Variants in NLGN1 observed in about 807,000 individuals in gnomAD.
NLGN1 encodes neuroligin 1, also known as neuroligin-1.
A neutral mutation model predicts 65.5 loss-of-function variants in NLGN1; 12 were observed. That is an observed-to-expected ratio of 0.18 (90% confidence interval 0.12 to 0.30). The LOEUF is 0.30. NLGN1 is among the 10% of genes least tolerant of loss of function. The probability of loss-of-function intolerance (pLI) is 1.00; values close to 1 mark genes in which losing one functional copy is unlikely to be tolerated. For synonymous variants in NLGN1, 350 were observed against 359.5 expected (o/e 0.97, Z 0.30); for missense variants, 750 against 1,007.1 (o/e 0.74, Z 3.46).
chr3:174,267,799 A>C (rs1009476021), intron 4 of NLGN1, among the ~76,000 whole-genome samples: 2 of 152,160 alleles, frequency 1.3e-5, no homozygotes, highest in Non-Finnish European at 2.9e-5. Flanking sequence ...GTTAATAGAA[A>C]ATTATAACAT....
At chr3:174,071,309 A>C (rs568952626) in intron 4 of NLGN1, among the ~76,000 whole-genome samples, 1 of 152,284 alleles carries the variant, frequency 6.6e-6, no homozygotes, top group East Asian at 1.9e-4. Context: ...GGAAAATAGA[A>C]TCAATTAGGA....
intron 4 of NLGN1, among the ~76,000 whole-genome samples, chr3:174,257,295 T>A (rs1745976421): frequency 6.6e-6 from 1 of 152,176 alleles, no homozygotes; most frequent in African/African-American, 2.4e-5. Flanking sequence ...AGAATGCTTT[T>A]ACACTGTCGA....
At chr3:174,069,603 CA>C (rs1225558715) in intron 4 of NLGN1, among the ~76,000 whole-genome samples, 1 of 151,806 alleles carries the variant, frequency 6.6e-6, no homozygotes, top group African/African-American at 2.4e-5. Context: ...GGAAAAACAG[CA>C]CACTTGGTTG....
chr3:174,148,134 C>G (rs926651716), intron 4 of NLGN1, among the ~76,000 whole-genome samples: 1 of 152,164 alleles, frequency 6.6e-6, no homozygotes, highest in Non-Finnish European at 1.5e-5. Context: ...ATGAGCTGTT[C>G]TCCAATTTGA....
chr3:173,481,447 A>G (rs1337319137), intron 2 of NLGN1, among the ~76,000 whole-genome samples: 3 of 151,972 alleles, frequency 2.0e-5, no homozygotes, highest in African/African-American at 7.2e-5. Flanking sequence ...ATTTTACAAA[A>G]TTTGGATCAA....
intron 4 of NLGN1, among the ~76,000 whole-genome samples, chr3:174,033,439 A>G (rs1028575681): frequency 1.3e-5 from 2 of 152,178 alleles, no homozygotes; most frequent in African/African-American, 2.4e-5. Flanking sequence ...TGCCTAAACC[A>G]AGAGAAAAGA....
chr3:173,903,012 A>G (rs772744692), intron 4 of NLGN1, among the ~76,000 whole-genome samples: 3 of 152,146 alleles, frequency 2.0e-5, no homozygotes, highest in Non-Finnish European at 4.4e-5. Context: ...TTACCACCCA[A>G]CTTAGCTTTG....
chr3:173,636,947 T>C (rs1756686450), intron 3 of NLGN1, among the ~76,000 whole-genome samples: 1 of 152,148 alleles, frequency 6.6e-6, no homozygotes, highest in Non-Finnish European at 1.5e-5. Context: ...ATGCTTAAGC[T>C]AGTGTGAAAA....
At chr3:174,035,115 A>T (rs927548088) in intron 4 of NLGN1, among the ~76,000 whole-genome samples, 7 of 152,186 alleles carry the variant, frequency 4.6e-5, no homozygotes, top group African/African-American at 1.2e-4. Context: ...ACAAATTTTT[A>T]AAATTTACAT....
At chr3:174,252,773 G>T (rs1157354077) in intron 4 of NLGN1, among the ~76,000 whole-genome samples, 1 of 152,154 alleles carries the variant, frequency 6.6e-6, no homozygotes, top group African/African-American at 2.4e-5. Context: ...CCACCCCAGA[G>T]ATTCTAAGCC....
chr3:173,592,745 T>G (rs1748745818), intron 2 of NLGN1, among the ~76,000 whole-genome samples: 1 of 152,220 alleles, frequency 6.6e-6, no homozygotes, highest in South Asian at 2.1e-4. Flanking sequence ...TGGGGATGGT[T>G]GTTAAAAACC....
chr3:173,432,559 T>C (rs1012941322), intron 1 of NLGN1, among the ~76,000 whole-genome samples: 1 of 152,224 alleles, frequency 6.6e-6, no homozygotes, highest in African/African-American at 2.4e-5. Flanking sequence ...CTTTGGCCAA[T>C]TTTTTAATCA....
chr3:173,677,412 G>A (rs1763314959), intron 3 of NLGN1, among the ~76,000 whole-genome samples: 1 of 151,838 alleles, frequency 6.6e-6, no homozygotes, highest in African/African-American at 2.4e-5. Flanking sequence ...TCCTTTGTCT[G>A]CTTCCATTGC....
At chr3:174,132,798 A>G (rs1224027871) in intron 4 of NLGN1, among the ~76,000 whole-genome samples, 2 of 152,202 alleles carry the variant, frequency 1.3e-5, no homozygotes. Flanking sequence ...GTGCTCTCCA[A>G]GGGAGTGAAA....
At chr3:173,751,544 T>A (rs1363280658) in intron 3 of NLGN1, among the ~76,000 whole-genome samples, 1 of 151,958 alleles carries the variant, frequency 6.6e-6, no homozygotes, top group Non-Finnish European at 1.5e-5. Flanking sequence ...AAACAGGCCT[T>A]AAGTAAGTTA....
intron 2 of NLGN1, among the ~76,000 whole-genome samples, chr3:173,520,365 G>T (rs2149132819): frequency 6.6e-6 from 1 of 152,258 alleles, no homozygotes; most frequent in South Asian, 2.1e-4. Flanking sequence ...AGATGAGAAT[G>T]AACAAATATA....
intron 3 of NLGN1, among the ~76,000 whole-genome samples, chr3:173,661,984 A>G (rs1760989475): frequency 6.6e-6 from 1 of 151,988 alleles, no homozygotes; most frequent in African/African-American, 2.4e-5. Flanking sequence ...TGCTGAAGGC[A>G]TTGGTCTGTT....
In NLGN1 at chr3:173,736,562, A is replaced by G. The variant is rs978290065; in HGVS notation, c.494-71118A>G. 2.6e-5 allele frequency among the ~76,000 whole-genome samples: 4 copies of G among 152,100 alleles called. No homozygotes were observed. In the East Asian group the frequency reaches 7.7e-4, roughly 29 times the overall value. The stretch of plus-strand genomic sequence containing the variant: ...ACTTGTTTTTTATTTCTGAACAAAA[A>G]TTGTTCCTTTGTGACTTCTGATGAA... On this transcript the variant is annotated intron_variant, in intron 3 of 6. Coordinates refer to ENST00000457714, the Ensembl canonical transcript of NLGN1.
At chr3:174,133,455 T>TA (rs1315404771) in intron 4 of NLGN1, among the ~76,000 whole-genome samples, 1 of 152,178 alleles carries the variant, frequency 6.6e-6, no homozygotes, top group Non-Finnish European at 1.5e-5. Context: ...AATTCAGTAT[T>TA]AATTAACGCC....
Sources: gnomAD v4.1 joint callset for allele counts (sites outside exome capture counted in the v4.1 genomes callset) on GRCh38, gnomAD v4.1.1 for gene constraint, MANE v1.5 for transcripts, NCBI Gene and HGNC (gene_info 2026-07-23, HGNC 2026-07-21) for gene names.